The following CNTN5 variants were observed in gnomAD, a reference collection of about 807,000 sequenced individuals.
The protein encoded by CNTN5 is contactin 5.
A neutral mutation model predicts 129.1 loss-of-function variants in CNTN5; 77 were observed. The observed-to-expected ratio is 0.60, with a 90% confidence interval of 0.50 to 0.72. CNTN5 has a LOEUF of 0.72. Among genes scored for constraint, CNTN5 ranks in the 30% least tolerant of loss-of-function variants. CNTN5 has a pLI of 0.00. For missense variants in CNTN5, 1,478 were observed against 1,328.8 expected (o/e 1.11, Z -1.75); for synonymous variants, 509 against 465.6 (o/e 1.09, Z -1.20).
At chr11:99,663,869 A>G (rs1038529545) in intron 3 of CNTN5, among the ~76,000 whole-genome samples, 1 of 152,190 alleles carries the variant, frequency 6.6e-6, no homozygotes, top group Non-Finnish European at 1.5e-5. Context: ...GCAGCGTGAG[A>G]AGGGACAATG....
intron 1 of CNTN5, among the ~76,000 whole-genome samples, chr11:99,049,312 T>A (rs1044954342): frequency 6.6e-6 from 1 of 152,202 alleles, no homozygotes; most frequent in Non-Finnish European, 1.5e-5. Context: ...GTTAGGTAGA[T>A]AAAACAGAAA....
chr11:100,236,941 G>C (rs956726374), intron 16 of CNTN5, among the ~76,000 whole-genome samples: 1 of 152,138 alleles, frequency 6.6e-6, no homozygotes, highest in East Asian at 1.9e-4. Context: ...TGTAATCCCA[G>C]CACTTTGGGA....
chr11:99,346,836 G>C (rs937698584), intron 2 of CNTN5, among the ~76,000 whole-genome samples: 56 of 152,178 alleles, frequency 3.7e-4, no homozygotes, highest in Non-Finnish European at 7.2e-4. Flanking sequence ...CAAGAAGGCA[G>C]CCATCCACAA....
At chr11:99,487,477 G>A (rs1012001827) in intron 2 of CNTN5, among the ~76,000 whole-genome samples, 2 of 152,190 alleles carry the variant, frequency 1.3e-5, no homozygotes, top group Admixed American at 1.3e-4. Context: ...TGAGAGTAGG[G>A]ATGAGGCAAA....
chr11:99,793,178 G>T (rs935172969), intron 3 of CNTN5, among the ~76,000 whole-genome samples: 10 of 151,788 alleles, frequency 6.6e-5, no homozygotes, highest in African/African-American at 2.4e-4. Flanking sequence ...TCCTGCCTCA[G>T]CCTCCCGAGT....
At chr11:99,410,375 G>A (rs1942338350) in intron 2 of CNTN5, among the ~76,000 whole-genome samples, 1 of 152,126 alleles carries the variant, frequency 6.6e-6, no homozygotes. Flanking sequence ...ACTTACAGGA[G>A]AAAAATGCAC....
intron 1 of CNTN5, among the ~76,000 whole-genome samples, chr11:99,243,538 G>A (rs1358550276): frequency 6.6e-6 from 1 of 151,882 alleles, no homozygotes; most frequent in Admixed American, 6.6e-5. Flanking sequence ...GTTTTCCAAG[G>A]CTGATGTTCA....
intron 21 of CNTN5, among the ~76,000 whole-genome samples, chr11:100,311,117 G>A (rs949322037): frequency 6.6e-6 from 1 of 151,944 alleles, no homozygotes; most frequent in Non-Finnish European, 1.5e-5. Flanking sequence ...GAGCAGAGGG[G>A]CAGCTGTTCC....
At chr11:99,562,368 A>C (rs1258112916) in intron 3 of CNTN5, among the ~76,000 whole-genome samples, 1 of 152,210 alleles carries the variant, frequency 6.6e-6, no homozygotes, top group Non-Finnish European at 1.5e-5. Flanking sequence ...TACAGGGAAT[A>C]TACATGTTAA....
chr11:100,084,212 G>A (rs562404534), intron 13 of CNTN5, among the ~76,000 whole-genome samples: 1 of 152,222 alleles, frequency 6.6e-6, no homozygotes, highest in South Asian at 2.1e-4. Context: ...ATTGCTCACA[G>A]GTTTTTCTTT....
At chr11:100,314,410 T>A (rs1951536855) in intron 21 of CNTN5, among the ~76,000 whole-genome samples, 1 of 152,124 alleles carries the variant, frequency 6.6e-6, no homozygotes, top group Non-Finnish European at 1.5e-5. Context: ...ATAGAGCAGG[T>A]AAATTAGAAA....
At chr11:99,987,985 A>G (rs1374700265) in intron 8 of CNTN5, among the ~76,000 whole-genome samples, 7 of 152,232 alleles carry the variant, frequency 4.6e-5, no homozygotes, top group African/African-American at 1.7e-4. Context: ...GTTTATTCCC[A>G]TCCACTTTAC....
intron 15 of CNTN5, among the ~76,000 whole-genome samples, chr11:100,214,421 A>G (rs1949098870): frequency 1.3e-5 from 2 of 152,182 alleles, no homozygotes; most frequent in Non-Finnish European, 2.9e-5. Flanking sequence ...TTTACAACTC[A>G]TCTCCCTAAA....
rs1011280106 is a variant in CNTN5 at position 99,073,190 on chromosome 11, AT to A, written c.-210+51929del. Among the ~76,000 whole-genome samples, 191 of 151,096 alleles carry A rather than the reference AT, an allele frequency of 1.3e-3. 1 individual carries two copies. Among genetic ancestry groups the A allele is most frequent in the African/African-American group, 4.0e-3 (167 of 41,282 alleles). On this transcript the variant is annotated intron_variant, in intron 1 of 24. Coordinates refer to ENST00000524871, the MANE Select transcript of CNTN5 (RefSeq NM_014361.4). ...GGTTATACACTAAGCATTCTTGTAA[AT>A]TTTTTTTTGGTGGACTTAAGCACTA... is the stretch of plus-strand genomic sequence containing the variant.
chr11:99,976,370 G>A (rs1175824763), intron 8 of CNTN5, among the ~76,000 whole-genome samples: 1 of 152,138 alleles, frequency 6.6e-6, no homozygotes, highest in Non-Finnish European at 1.5e-5. Flanking sequence ...AGCTCCACTG[G>A]GCAGCATCCC....
At chr11:100,040,868 C>A (rs1234180809) in intron 9 of CNTN5, among the ~76,000 whole-genome samples, 1 of 147,520 alleles carries the variant, frequency 6.8e-6, no homozygotes, top group Non-Finnish European at 1.5e-5. Context: ...TTCCAGGTGC[C>A]GTCTGTCACC....
chr11:99,849,295 C>CT (rs1283257578), intron 6 of CNTN5, among the ~76,000 whole-genome samples: 1 of 151,346 alleles, frequency 6.6e-6, no homozygotes, highest in Non-Finnish European at 1.5e-5. Flanking sequence ...TCAAAGAAAA[C>CT]TTTGATTTTT....
intron 1 of CNTN5, among the ~76,000 whole-genome samples, chr11:99,308,455 T>G (rs1288980666): frequency 3.9e-5 from 6 of 152,148 alleles, no homozygotes; most frequent in Non-Finnish European, 2.9e-5. Context: ...GAGCCTGAAA[T>G]TTTTATATTG....
At chr11:100,042,271 C>T (rs1273728260) in intron 9 of CNTN5, among the ~76,000 whole-genome samples, 1 of 150,924 alleles carries the variant, frequency 6.6e-6, no homozygotes, top group Non-Finnish European at 1.5e-5. Context: ...AAAAAAAAAG[C>T]CTTTGTCTCA....
Sources: allele counts gnomAD v4.1 joint callset (sites outside exome capture counted in the v4.1 genomes callset), GRCh38; gene constraint gnomAD v4.1.1; transcripts MANE v1.5; gene names NCBI Gene and HGNC (gene_info 2026-07-23, HGNC 2026-07-21).